PALLD: variants seen among roughly 807,000 people sequenced by gnomAD.
PALLD encodes the protein palladin.
Under a neutral mutation model 123.5 loss-of-function variants are expected in PALLD, and 61 were observed. The ratio of observed to expected loss-of-function variants is 0.49; its 90% CI spans 0.40 to 0.61. PALLD has a LOEUF of 0.61. Among genes scored for constraint, PALLD ranks in the 20% least tolerant of loss-of-function variants. The pLI, the probability that PALLD is intolerant of heterozygous loss-of-function variation, is 0.00. For missense variants in PALLD, 1,273 were observed against 1,377.0 expected, an observed-to-expected ratio of 0.92 and a Z score of 1.20; for synonymous variants, 465 against 496.4, an observed-to-expected ratio of 0.94 and a Z score of 0.84.
chr4:168,802,232 A>T (rs1739446706), intron 10 of PALLD, among the ~76,000 whole-genome samples: 1 of 152,234 alleles, frequency 6.6e-6, no homozygotes. Context: ...AAGCACCACA[A>T]ACCAAGAGAT....
At chr4:168,882,974 C>T (rs1252634043) in intron 10 of PALLD, among the ~76,000 whole-genome samples, 1 of 151,878 alleles carries the variant, frequency 6.6e-6, no homozygotes, top group Admixed American at 6.6e-5. Flanking sequence ...CCTGTAGTCC[C>T]AGCTACTTGG....
chr4:168,690,805 A>T (rs1782547964), intron 7 of PALLD, 61 bp downstream of exon 7: 13 of 1,527,730 alleles, frequency 8.5e-6, no homozygotes, highest in Non-Finnish European at 1.2e-5. Context: ...CTTCAAGAAA[A>T]CCAAGAAGGG....
At chr4:168,920,829 TTGA>T (rs1422719828) in intron 17 of PALLD, among the ~76,000 whole-genome samples, 4 of 152,222 alleles carry the variant, frequency 2.6e-5, no homozygotes, top group Non-Finnish European at 5.9e-5. Flanking sequence ...TGGCTGCTCC[TTGA>T]TGAGAAGCTT....
chr4:168,789,260 A>G (rs1737173900), intron 10 of PALLD, among the ~76,000 whole-genome samples: 1 of 152,228 alleles, frequency 6.6e-6, no homozygotes, highest in Non-Finnish European at 1.5e-5. Context: ...GCTCAGATCA[A>G]TGCATGCTAC....
chr4:168,808,852 G>T (rs1740630145), intron 10 of PALLD, among the ~76,000 whole-genome samples: 2 of 152,116 alleles, frequency 1.3e-5, no homozygotes, highest in African/African-American at 2.4e-5. Flanking sequence ...TCTCCCACCG[G>T]ATCCCTCCCA....
chr4:168,577,542 A>G (rs1455927715), intron 2 of PALLD, among the ~76,000 whole-genome samples: 2 of 152,162 alleles, frequency 1.3e-5, no homozygotes, highest in Admixed American at 1.3e-4. Context: ...TTTTTCTTAC[A>G]TAGGAAGGAT....
intron 2 of PALLD, among the ~76,000 whole-genome samples, chr4:168,605,889 C>T (rs1223473068): frequency 6.6e-5 from 10 of 152,198 alleles, no homozygotes; most frequent in South Asian, 4.1e-4. Context: ...ACTTGGGCTA[C>T]GCCAATGTCA....
chr4:168,665,974 C>A (rs1263163056), intron 2 of PALLD, among the ~76,000 whole-genome samples: 1 of 103,468 alleles, frequency 9.7e-6, no homozygotes, highest in Middle Eastern at 5.1e-3. Flanking sequence ...TCCCCGCCCC[C>A]CACCAAAAAA....
intron 2 of PALLD, among the ~76,000 whole-genome samples, chr4:168,515,147 T>C (rs1033009456): frequency 1.3e-5 from 2 of 152,314 alleles, no homozygotes; most frequent in African/African-American, 2.4e-5. Flanking sequence ...TAGATGCTCA[T>C]TGGATTTTTT....
intron 2 of PALLD, among the ~76,000 whole-genome samples, chr4:168,570,204 A>G (rs1429352201): frequency 6.6e-6 from 1 of 152,182 alleles, no homozygotes; most frequent in Non-Finnish European, 1.5e-5. Flanking sequence ...CAACCATTCA[A>G]TAATTGTCTG....
At chr4:168,748,639 C>T (rs1175036472) in intron 10 of PALLD, among the ~76,000 whole-genome samples, 1 of 152,176 alleles carries the variant, frequency 6.6e-6, no homozygotes, top group Non-Finnish European at 1.5e-5. Context: ...ATCAAGGTGT[C>T]ACTCAGGCTG....
chr4:168,797,428 G>A (rs551691982), intron 10 of PALLD, among the ~76,000 whole-genome samples: 1 of 151,552 alleles, frequency 6.6e-6, no homozygotes, highest in South Asian at 2.1e-4. Context: ...ATCATCCCAC[G>A]CAGGGAGTTA....
At chr4:168,801,254 C>T (rs1391662838) in intron 10 of PALLD, among the ~76,000 whole-genome samples, 1 of 152,128 alleles carries the variant, frequency 6.6e-6, no homozygotes, top group Non-Finnish European at 1.5e-5. Flanking sequence ...TGCTCTATAA[C>T]TCTTTGTTAA....
chr4:168,816,759 G>A (rs905206753), intron 10 of PALLD, among the ~76,000 whole-genome samples: 42 of 151,732 alleles, frequency 2.8e-4, no homozygotes, highest in Non-Finnish European at 3.8e-4. Flanking sequence ...AACTGATGGG[G>A]GATTGGCTAG....
At chr4:168,590,075 C>T (rs9884698) in intron 2 of PALLD, among the ~76,000 whole-genome samples, 9,835 of 152,318 alleles carry the variant, frequency 0.065, 1,011 homozygotes, top group African/African-American at 0.22. Context: ...CAGTGGCTCA[C>T]GCCTGTAATC....
chr4:168,771,479 A>G (rs771154600), intron 10 of PALLD, among the ~76,000 whole-genome samples: 19 of 152,156 alleles, frequency 1.2e-4, no homozygotes, highest in Non-Finnish European at 2.5e-4. Flanking sequence ...TTGTTGCTCA[A>G]TAATGTCCCT....
intron 2 of PALLD, among the ~76,000 whole-genome samples, chr4:168,527,282 T>A (rs1327299378): frequency 1.3e-5 from 2 of 151,450 alleles, no homozygotes; most frequent in Non-Finnish European, 2.9e-5. Context: ...ATTAGCCAGG[T>A]GTGGTGGCAC....
At chr4:168,791,799 C>G (rs1737564022) in intron 10 of PALLD, among the ~76,000 whole-genome samples, 1 of 152,126 alleles carries the variant, frequency 6.6e-6, no homozygotes, top group South Asian at 2.1e-4. Context: ...TTCTAGAGAA[C>G]AGGATCAGGA....
At chr4:168,624,578 T>C (rs971978157) in intron 2 of PALLD, among the ~76,000 whole-genome samples, 2 of 152,122 alleles carry the variant, frequency 1.3e-5, no homozygotes, top group Non-Finnish European at 2.9e-5. Flanking sequence ...TTATTTAACA[T>C]CATACTAGAC....
Sources: gnomAD v4.1 joint callset for allele counts (sites outside exome capture counted in the v4.1 genomes callset) on GRCh38, gnomAD v4.1.1 for gene constraint, MANE v1.5 for transcripts, NCBI Gene and HGNC (gene_info 2026-07-23, HGNC 2026-07-21) for gene names.